STK10: variants seen among roughly 807,000 people sequenced by gnomAD.
STK10 encodes the protein serine/threonine kinase 10, also known as serine/threonine-protein kinase 10.
In STK10, 78 loss-of-function variants were observed where a neutral mutation model predicts 113.8. That is an observed-to-expected ratio of 0.69 (90% confidence interval 0.57 to 0.83). The LOEUF is 0.83. Ranked by LOEUF, STK10 falls within the 40% of genes least tolerant of loss-of-function variation. The pLI is 0.00. For synonymous variants in STK10, 465 were observed against 494.7 expected (o/e 0.94, Z 0.80); for missense variants, 1,109 against 1,280.1 (o/e 0.87, Z 2.04).
intron 1 of STK10, among the ~76,000 whole-genome samples, chr5:172,170,174 A>C (rs1770642510): frequency 6.6e-6 from 1 of 151,614 alleles, no homozygotes; most frequent in South Asian, 2.1e-4. Flanking sequence ...GAATGAATGA[A>C]TAAAACTGGT....
At chr5:172,076,252 G>A (rs1455829904) in intron 12 of STK10, among the ~76,000 whole-genome samples, 2 of 85,714 alleles carry the variant, frequency 2.3e-5, no homozygotes, top group Non-Finnish European at 4.4e-5. Flanking sequence ...CGTCCTGTGC[G>A]TTAGTTGTGG....
intron 1 of STK10, among the ~76,000 whole-genome samples, chr5:172,183,304 C>A (rs1422294676): frequency 6.6e-6 from 1 of 152,294 alleles, no homozygotes; most frequent in Middle Eastern, 3.4e-3. Flanking sequence ...TGCATGAGTA[C>A]CTGTGTTGCC....
intron 18 of STK10, among the ~76,000 whole-genome samples, chr5:172,050,634 G>A (rs577193334): frequency 6.6e-6 from 1 of 152,164 alleles, no homozygotes; most frequent in African/African-American, 2.4e-5. Flanking sequence ...TACTGCCAAT[G>A]ACAAAATTTG....
At chr5:172,074,052 G>T (rs1020573840) in intron 12 of STK10, among the ~76,000 whole-genome samples, 1 of 151,826 alleles carries the variant, frequency 6.6e-6, no homozygotes, top group Admixed American at 6.6e-5. Context: ...CTAAGGAAAT[G>T]TAACAAAGAA....
chr5:172,087,115 T>C (rs966026083), intron 10 of STK10, among the ~76,000 whole-genome samples: 3 of 130,434 alleles, frequency 2.3e-5, no homozygotes, highest in African/African-American at 1.1e-4. Flanking sequence ...CCAGTGTGTG[T>C]GTGTGTGTGT....
chr5:172,174,732 TGAG>T (rs1770723713), intron 1 of STK10, among the ~76,000 whole-genome samples: 2 of 151,996 alleles, frequency 1.3e-5, no homozygotes, highest in East Asian at 1.9e-4. Context: ...ACCCGGAGAA[TGAG>T]GAGGAGCCAG....
At chr5:172,062,287 TA>T (rs945922597) in intron 13 of STK10, among the ~76,000 whole-genome samples, 5 of 152,130 alleles carry the variant, frequency 3.3e-5, no homozygotes, top group African/African-American at 7.2e-5. Flanking sequence ...AAAATTAAAA[TA>T]AAAAAATTTA....
At position 172,105,724 on chromosome 5, in the gene STK10, G is replaced by C; in HGVS notation, c.802C>G (p.Arg268Gly). The change falls in exon 7 of 19, where the codon CGT (arginine) becomes GGT (glycine). Residue 268 changes from arginine to glycine, a missense_variant. Coordinates refer to ENST00000176763, the MANE Select transcript of STK10 (RefSeq NM_005990.4). Reference protein sequence around the residue: ...LTPSKWSVEFRDFLKIALDKN... With the variant: ...LTPSKWSVEFGDFLKIALDKN... Reference sequence around the variant, plus strand: ...TCCAGGGCTATCTTCAGGAAGTCACGGAACTCTACAGACCTGGGAGGACAG... The same window carrying C: ...TCCAGGGCTATCTTCAGGAAGTCACCGAACTCTACAGACCTGGGAGGACAG... The C allele has an allele frequency of 6.2e-7, 1 of 1,613,762 alleles. No homozygotes were observed. Among genetic ancestry groups the C allele is most frequent in the Non-Finnish European group, 8.5e-7 (1 of 1,180,002 alleles).
intron 4 of STK10, chr5:172,114,471 ATATTTTTTTTTTTT>A (rs1377798753): frequency 2.6e-5 from 1 of 38,398 alleles, no homozygotes; most frequent in Non-Finnish European, 4.6e-5. Flanking sequence ...ATATATATAT[ATATTTTTTTTTTTT>A]TTTTTTTTTT....
intron 1 of STK10, among the ~76,000 whole-genome samples, chr5:172,161,607 C>T (rs1581185914): frequency 1.3e-5 from 2 of 152,074 alleles, no homozygotes; most frequent in African/African-American, 4.8e-5. Flanking sequence ...TAATAATATG[C>T]CATTTGTCAT....
At chr5:172,100,347 A>C (rs1768960314) in intron 7 of STK10, among the ~76,000 whole-genome samples, 1 of 152,188 alleles carries the variant, frequency 6.6e-6, no homozygotes, top group South Asian at 2.1e-4. Context: ...ATCTTTGCTG[A>C]AAAAGGCAAC....
At chr5:172,073,216 G>A (rs1768234510) in intron 12 of STK10, among the ~76,000 whole-genome samples, 2 of 151,954 alleles carry the variant, frequency 1.3e-5, no homozygotes, top group South Asian at 4.1e-4. Context: ...GTAGTGGTGC[G>A]ATCTTGGCTC....
chr5:172,044,990 C>G lies in STK10; in HGVS notation c.2799G>C (p.Arg933=). The G allele has an allele frequency of 6.2e-7, 1 of 1,614,204 alleles. No homozygotes were observed. Among genetic ancestry groups the G allele is most frequent in the Non-Finnish European group, 8.5e-7 (1 of 1,180,022 alleles). The change falls in exon 19 of 19, where the codon CGG becomes CGC. Residue 933 remains arginine (R), a synonymous_variant. Coordinates refer to ENST00000176763, the MANE Select transcript of STK10 (RefSeq NM_005990.4). This position sits in a 1 kb window ranked among gnomAD's most constrained non-coding sequence, Gnocchi z 4.5. The part of the protein sequence containing the change: ...ALEEDLNQKK[R]EQEMFFKLSE... ...TCAGCTTGAAGAACATCTCCTGCTC[C>G]CGCTTCTTCTGGTTCAGATCCTCTT...
In STK10 at chr5:172,082,484, T is replaced by C; in HGVS notation, c.1831A>G (p.Thr611Ala). The C allele has an allele frequency of 4.4e-6, 7 of 1,593,342 alleles. No homozygotes were observed. The highest frequency in any genetic ancestry group is 6.0e-6 in the Non-Finnish European group (7 of 1,173,066). The part of the protein sequence containing the change: ...EINAKKKFFD[T>A]ELENLERQQK... Reference sequence around the variant, plus strand: ...TGACGCTCCAGGTTCTCTAATTCCGTGTCAAAGAACTTCTTCTTGGCCTGA... The same window carrying C: ...TGACGCTCCAGGTTCTCTAATTCCGCGTCAAAGAACTTCTTCTTGGCCTGA... Residue 611 changes from threonine (T) to alanine (A), a missense_variant, in exon 12 of 19, where the codon ACG becomes GCG. Coordinates refer to ENST00000176763, the MANE Select transcript of STK10 (RefSeq NM_005990.4). The surrounding 1 kb of genome is among the most constrained non-coding windows in gnomAD (Gnocchi z 4.3).
intron 3 of STK10, among the ~76,000 whole-genome samples, chr5:172,123,908 C>T (rs72841798): frequency 0.17 from 26,109 of 152,014 alleles, 2,536 homozygotes; most frequent in African/African-American, 0.26. Flanking sequence ...AGAAAGAAAT[C>T]AAGTCCATAT....
chr5:172,108,871 A>C (rs896370138), intron 4 of STK10, among the ~76,000 whole-genome samples: 3 of 151,592 alleles, frequency 2.0e-5, no homozygotes, highest in Non-Finnish European at 4.4e-5. Flanking sequence ...TGTAACCTCC[A>C]CCTCCCGGGT....
rs541145338 is a variant in STK10 at position 172,087,403 on chromosome 5, T to C, written c.1685+2829A>G. 3.3e-5 allele frequency among the ~76,000 whole-genome samples: 5 copies of C among 151,236 alleles called. No homozygotes were observed. In the East Asian group the frequency reaches 5.9e-4, roughly 18 times the overall value. ...GATTCTCCTGTCTCAGCCTCCCGAG[T>C]AGCTGGGATTACAGACGCCGGCCAC... On this transcript the variant is annotated intron_variant, in intron 10 of 18. Transcript: ENST00000176763.
chr5:172,052,153 T>A (rs1238862402), intron 18 of STK10, among the ~76,000 whole-genome samples: 2 of 152,204 alleles, frequency 1.3e-5, no homozygotes, highest in Non-Finnish European at 2.9e-5. Flanking sequence ...CTCTAGCTGG[T>A]GGCAGAAAGG....
intron 1 of STK10, among the ~76,000 whole-genome samples, chr5:172,163,675 A>C (rs10064789): frequency 0.11 from 16,901 of 152,194 alleles, 1,458 homozygotes; most frequent in African/African-American, 0.25. Context: ...CTAGTCATTC[A>C]TTCAACCACT....
Sources: allele counts gnomAD v4.1 joint callset (sites outside exome capture counted in the v4.1 genomes callset), GRCh38; gene constraint gnomAD v4.1.1; non-coding constraint Gnocchi (gnomAD v3.1); transcripts MANE v1.5; gene names NCBI Gene and HGNC (gene_info 2026-07-23, HGNC 2026-07-21).